The following TCF12 variants were observed in gnomAD, a reference collection of about 807,000 sequenced individuals.
TCF12 encodes the protein DNA-binding protein HTF4.
In TCF12, 45 loss-of-function variants were observed where a neutral mutation model predicts 86.0. That is an observed-to-expected ratio of 0.52 (90% CI 0.41 to 0.67). The LOEUF (loss-of-function observed/expected upper bound fraction) is 0.67. Among genes scored for constraint, TCF12 ranks in the 30% least tolerant of loss-of-function variants. TCF12 has a pLI of 0.00. For synonymous variants in TCF12, 330 were observed against 299.6 expected, an observed-to-expected ratio of 1.10 and a Z score of -1.05; for missense variants, 881 against 859.9, an observed-to-expected ratio of 1.02 and a Z score of -0.31.
At chr15:56,961,180 C>A (rs2061736263) in intron 3 of TCF12, among the ~76,000 whole-genome samples, 1 of 151,690 alleles carries the variant, frequency 6.6e-6, no homozygotes, top group Non-Finnish European at 1.5e-5. Flanking sequence ...AGTATGCTAG[C>A]TAGACACTGT....
At chr15:57,118,400 C>A (rs1456912317) in intron 5 of TCF12, 1 of 152,180 alleles carries the variant, frequency 6.6e-6, no homozygotes, top group African/African-American at 2.4e-5. Context: ...GATGAAGGTC[C>A]TCTTTTCCCT....
At chr15:57,192,737 G>C (rs1317857890) in intron 7 of TCF12, among the ~76,000 whole-genome samples, 1 of 152,124 alleles carries the variant, frequency 6.6e-6, no homozygotes, top group Non-Finnish European at 1.5e-5. Context: ...GTATCACATT[G>C]ATGTCAGGGC....
chr15:56,986,069 A>C (rs756514620), intron 3 of TCF12, among the ~76,000 whole-genome samples: 13 of 152,114 alleles, frequency 8.5e-5, no homozygotes, highest in Non-Finnish European at 1.9e-4. Flanking sequence ...TGAAATAAGA[A>C]ATTTTTTGTA....
chr15:56,999,866 T>A (rs1316734590), intron 3 of TCF12, among the ~76,000 whole-genome samples: 2 of 151,962 alleles, frequency 1.3e-5, no homozygotes, highest in Non-Finnish European at 2.9e-5. Flanking sequence ...AGAGTGAGAC[T>A]CTGTCTCAAT....
chr15:57,205,765 A>G (rs1047839704), intron 8 of TCF12, among the ~76,000 whole-genome samples: 3 of 152,228 alleles, frequency 2.0e-5, no homozygotes, highest in Admixed American at 6.5e-5. Context: ...ACCACTGTTC[A>G]GAACAGTGTC....
chr15:57,009,945 G>A (rs185950500), intron 3 of TCF12, among the ~76,000 whole-genome samples: 1 of 152,058 alleles, frequency 6.6e-6, no homozygotes, highest in Non-Finnish European at 1.5e-5. Flanking sequence ...TATATTTGAG[G>A]GTAAATATAA....
chr15:56,999,893 A>G (rs2063922785), intron 3 of TCF12, among the ~76,000 whole-genome samples: 1 of 152,040 alleles, frequency 6.6e-6, no homozygotes, highest in Non-Finnish European at 1.5e-5. Context: ...GAAGAGTTTA[A>G]TTCATAATTA....
At chr15:57,136,337 C>T in intron 5 of TCF12, among the ~76,000 whole-genome samples, 2 of 152,202 alleles carry the variant, frequency 1.3e-5, no homozygotes, top group Non-Finnish European at 2.9e-5. Context: ...GGAAACTAGG[C>T]TGGGAGGCCA....
intron 5 of TCF12, among the ~76,000 whole-genome samples, chr15:57,125,571 G>T (rs2051585251): frequency 6.6e-6 from 1 of 152,198 alleles, no homozygotes; most frequent in South Asian, 2.1e-4. Context: ...ATGAATTTCT[G>T]AACAGCCATG....
At chr15:57,123,319 C>G (rs1259884473) in intron 5 of TCF12, among the ~76,000 whole-genome samples, 2 of 152,126 alleles carry the variant, frequency 1.3e-5, no homozygotes, top group Admixed American at 6.5e-5. Context: ...GAAGCTGAAA[C>G]CACTGCTAAC....
rs758728340 is a variant in TCF12, at chr15:57,253,483, A to G, written c.1467+15A>G. 18 of 1,612,990 alleles carry G rather than the reference A, an allele frequency of 1.1e-5. No homozygotes were observed. In the Admixed American group the frequency reaches 3.0e-4, roughly 27 times the overall value. On this transcript the variant is annotated intron_variant, in intron 16 of 20. Coordinates refer to ENST00000333725, the MANE Select transcript of TCF12 (RefSeq NM_207037.2). ...CAGCTTCAATGGTAAAATCATGCTC[A>G]TCTTTTTTGTAGTAAACCCTAAAGA...
chr15:56,925,240 G>GCCCCCCCCCCCCCCCCCCCCCCCCCC (rs11465192), intron 3 of TCF12, among the ~76,000 whole-genome samples: 13 of 136,244 alleles, frequency 9.5e-5, no homozygotes, highest in Non-Finnish European at 1.3e-4. Flanking sequence ...GGTGTCCACC[G>GCCCCCCCCCCCCCCCCCCCCCCCCCC]CCCCCCCACC....
intron 12 of TCF12, among the ~76,000 whole-genome samples, chr15:57,241,998 A>G (rs1308222222): frequency 6.6e-6 from 1 of 152,122 alleles, no homozygotes; most frequent in East Asian, 1.9e-4. Context: ...TCTCAGGGAA[A>G]AAAAAAATGA....
At chr15:57,144,970 C>T (rs563491426) in intron 5 of TCF12, among the ~76,000 whole-genome samples, 1 of 152,172 alleles carries the variant, frequency 6.6e-6, no homozygotes, top group East Asian at 1.9e-4. Context: ...AAGATTTTAG[C>T]TTATCTGTAA....
intron 6 of TCF12, among the ~76,000 whole-genome samples, chr15:57,184,041 T>C (rs1474023581): frequency 6.6e-6 from 1 of 152,160 alleles, no homozygotes; most frequent in East Asian, 1.9e-4. Flanking sequence ...TGGCTAACTT[T>C]TACTCATCTG....
chr15:57,110,878 A>C (rs1329700595), intron 5 of TCF12, among the ~76,000 whole-genome samples: 2 of 152,200 alleles, frequency 1.3e-5, no homozygotes, highest in Non-Finnish European at 2.9e-5. Flanking sequence ...TGCCAACATT[A>C]ATTATTATGC....
chr15:57,219,713 T>C (rs1032307110), intron 8 of TCF12: 13 of 721,770 alleles, frequency 1.8e-5, no homozygotes, highest in Non-Finnish European at 2.5e-5. Context: ...TATTAGATTG[T>C]AGATTTCTTT....
intron 3 of TCF12, among the ~76,000 whole-genome samples, chr15:57,060,525 A>G (rs534202806): frequency 1.3e-5 from 2 of 152,330 alleles, no homozygotes; most frequent in Admixed American, 6.5e-5. Flanking sequence ...ATAAGGCTCA[A>G]AAGTGTTTCT....
chr15:56,962,299 G>T (rs1391145388), intron 3 of TCF12, among the ~76,000 whole-genome samples: 1 of 152,154 alleles, frequency 6.6e-6, no homozygotes, highest in African/African-American at 2.4e-5. Flanking sequence ...TGTTTGATGG[G>T]TTTAATTGTT....
Sources: allele counts gnomAD v4.1 joint callset (sites outside exome capture counted in the v4.1 genomes callset), GRCh38; gene constraint gnomAD v4.1.1; transcripts MANE v1.5; gene names NCBI Gene and HGNC (gene_info 2026-07-23, HGNC 2026-07-21).